ZNF846: variants seen among roughly 807,000 people sequenced by gnomAD.
ZNF846 encodes the protein zinc finger protein 846.
ZNF846 carries 15 observed loss-of-function variants against 16.0 expected under a neutral mutation model. The ratio of observed to expected loss-of-function variants is 0.94; its 90% CI spans 0.63 to 1.45. The LOEUF (loss-of-function observed/expected upper bound fraction) is 1.45. Ranked by LOEUF, ZNF846 falls within the 40% of genes most tolerant of loss-of-function variation. The pLI is 0.00. For synonymous variants in ZNF846, 229 were observed against 212.0 expected (o/e 1.08, Z -0.70); for missense variants, 714 against 622.3 (o/e 1.15, Z -1.57).
At chr19:9,782,388 C>T (rs2045510710) in intron 1 of ZNF846, among the ~76,000 whole-genome samples, 1 of 152,156 alleles carries the variant, frequency 6.6e-6, no homozygotes, top group African/African-American at 2.4e-5. Flanking sequence ...CCTCAGCCTC[C>T]CACGTAGCTG....
downstream of ZNF846, among the ~76,000 whole-genome samples, chr19:9,754,045 T>C (rs997425819): frequency 6.6e-6 from 1 of 151,656 alleles, no homozygotes; most frequent in Non-Finnish European, 1.5e-5. Context: ...ATTTACTTCA[T>C]GTATTTTAAG....
chr19:9,782,011 A>G (rs1281331929), intron 1 of ZNF846, among the ~76,000 whole-genome samples: 1 of 152,132 alleles, frequency 6.6e-6, no homozygotes, highest in Admixed American at 6.6e-5. Context: ...TCCTGACTCC[A>G]GATGATCCAC....
At chr19:9,765,397 G>A (rs2145245708) in intron 1 of ZNF846, among the ~76,000 whole-genome samples, 1 of 151,060 alleles carries the variant, frequency 6.6e-6, no homozygotes, top group African/African-American at 2.4e-5. Flanking sequence ...AGTAGGCCAG[G>A]CACGGTGGCT....
exon 6 of ZNF846, chr19:9,757,948 G>C (rs540684802): frequency 6.2e-7 from 1 of 1,613,330 alleles, no homozygotes; most frequent in Non-Finnish European, 8.5e-7. Flanking sequence ...CCTGAGGAAC[G>C]AGTAAAAGCT....
At position 9,757,529 on chromosome 19, in the gene ZNF846, A is replaced by G. The variant is rs2045150176; in HGVS notation, c.1548T>C (p.Thr516=). 2.5e-6 allele frequency: 4 copies of G among 1,611,276 alleles called. No individual in the cohort carries two copies. In the South Asian group the frequency reaches 4.4e-5, roughly 18 times the overall value. Residue 516 remains threonine (T), a synonymous_variant, in exon 6 of 6, where the codon ACT becomes ACC. Coordinates refer to ENST00000397902, the Ensembl canonical transcript of ZNF846. ...GATGTTTAGCAAGTGCTGAAGATTGAGTGAAGTTTTTCCCACATTTCTTAC... is the reference window on the plus strand; with the variant it reads ...GATGTTTAGCAAGTGCTGAAGATTGGGTGAAGTTTTTCCCACATTTCTTAC...
intron 1 of ZNF846, among the ~76,000 whole-genome samples, chr19:9,766,831 T>A (rs921434858): frequency 7.2e-6 from 1 of 139,556 alleles, no homozygotes; most frequent in Non-Finnish European, 1.5e-5. Flanking sequence ...ACCCGGGAGG[T>A]GGAGGTTGCA....
At chr19:9,762,674 G>C (rs1013829958) in intron 3 of ZNF846, among the ~76,000 whole-genome samples, 6 of 152,178 alleles carry the variant, frequency 3.9e-5, no homozygotes, top group African/African-American at 1.4e-4. Flanking sequence ...CTCTACACCA[G>C]GGGTGTCCAA....
At chr19:9,778,691 T>G (rs1454221159) in intron 1 of ZNF846, among the ~76,000 whole-genome samples, 1 of 150,122 alleles carries the variant, frequency 6.7e-6, no homozygotes, top group African/African-American at 2.5e-5. Context: ...TAATCCCAGC[T>G]ACTGAGGAGG....
At chr19:9,782,617 A>G (rs891372471) in intron 1 of ZNF846, among the ~76,000 whole-genome samples, 1 of 152,166 alleles carries the variant, frequency 6.6e-6, no homozygotes, top group Non-Finnish European at 1.5e-5. Context: ...GTGTCTCAAC[A>G]TTGAAAGATA....
chr19:9,780,289 C>A (rs986387132), intron 1 of ZNF846, among the ~76,000 whole-genome samples: 2 of 151,742 alleles, frequency 1.3e-5, no homozygotes, highest in Non-Finnish European at 2.9e-5. Flanking sequence ...CTGCAGCTTA[C>A]AACTCCCAGG....
chr19:9,765,765 A>G (rs957700023), intron 1 of ZNF846, among the ~76,000 whole-genome samples: 2 of 152,068 alleles, frequency 1.3e-5, no homozygotes, highest in African/African-American at 4.8e-5. Flanking sequence ...TTGTAATACT[A>G]TTCTGACACT....
chr19:9,777,345 C>T (rs955985027), intron 1 of ZNF846, among the ~76,000 whole-genome samples: 1 of 151,282 alleles, frequency 6.6e-6, no homozygotes, highest in African/African-American at 2.4e-5. Flanking sequence ...ACAAACAAAC[C>T]AAAAGAAAAT....
In ZNF846 at chr19:9,757,665, G is replaced by A. The variant is rs370153110; in HGVS notation, c.1412C>T (p.Thr471Met). 57 of 1,613,048 alleles carry A rather than the reference G, an allele frequency of 3.5e-5. No homozygotes were observed. Among genetic ancestry groups the A allele is most frequent in the Middle Eastern group, 1.6e-4 (1 of 6,080 alleles). ...TGCATAAGGCTTTTCTCCTGTGTGCGTTCGCATGTGCATATTAAGATTTGT... is the reference window on the plus strand; with the variant it reads ...TGCATAAGGCTTTTCTCCTGTGTGCATTCGCATGTGCATATTAAGATTTGT... Residue 471 changes from threonine to methionine, a missense_variant, in exon 6 of 6, where the codon ACG becomes ATG. By Grantham distance (81) the Thr-to-Met change is moderately conservative. Coordinates refer to ENST00000397902, the Ensembl canonical transcript of ZNF846.
chr19:9,756,345 G>GTGTATATATATATATATATATATA (rs1321690890), downstream of ZNF846: 1 of 81,776 alleles, frequency 1.2e-5, no homozygotes, highest in African/African-American at 6.1e-5. Flanking sequence ...GTGTGTGTGT[G>GTGTATATATATATATATATATATA]TATATATATA....
chr19:9,765,728 T>C (rs180933052), intron 1 of ZNF846, among the ~76,000 whole-genome samples: 5 of 152,156 alleles, frequency 3.3e-5, no homozygotes, highest in East Asian at 1.9e-4. Flanking sequence ...ATTGCAGACA[T>C]AGTCTTTTCC....
chr19:9,754,275 C>T (rs539115074), downstream of ZNF846, among the ~76,000 whole-genome samples: 18 of 151,440 alleles, frequency 1.2e-4, no homozygotes, highest in South Asian at 6.2e-4. Context: ...AGATCTAAAG[C>T]GAAGGATGGC....
exon 6 of ZNF846, chr19:9,758,497 G>T (rs754297914): frequency 3.7e-6 from 6 of 1,613,566 alleles, no homozygotes; most frequent in Non-Finnish European, 5.1e-6. Context: ...AATTTCTCTT[G>T]TGTGTGAGTT....
chr19:9,767,314 T>C (rs1317036042), intron 1 of ZNF846, among the ~76,000 whole-genome samples: 1 of 151,914 alleles, frequency 6.6e-6, no homozygotes, highest in Non-Finnish European at 1.5e-5. Flanking sequence ...TTTGTATTTT[T>C]AGTAGAGACA....
downstream of ZNF846, chr19:9,757,446 G>A: frequency 2.0e-6 from 3 of 1,513,048 alleles, no homozygotes; most frequent in South Asian, 1.3e-5. Context: ...GATGAGTTTA[G>A]ATGTAAATAC....
Sources: gnomAD v4.1 joint callset for allele counts (sites outside exome capture counted in the v4.1 genomes callset) on GRCh38, gnomAD v4.1.1 for gene constraint, MANE v1.5 for transcripts, NCBI Gene and HGNC (gene_info 2026-07-23, HGNC 2026-07-21) for gene names.